MYH15: variants seen among roughly 807,000 people sequenced by gnomAD.
MYH15 encodes the protein myosin-15.
A neutral mutation model predicts 240.5 loss-of-function variants in MYH15; 227 were observed. The ratio of observed to expected loss-of-function variants is 0.94; its 90% CI spans 0.85 to 1.05. The LOEUF (loss-of-function observed/expected upper bound fraction) is 1.05. Ranked by LOEUF, MYH15 falls within the 50% of genes least tolerant of loss-of-function variation. The pLI is 0.00. For synonymous variants in MYH15, 785 were observed against 796.7 expected (o/e 0.99, Z 0.25); for missense variants, 2,217 against 2,247.5 (o/e 0.99, Z 0.27).
intron 5 of MYH15, among the ~76,000 whole-genome samples, chr3:108,498,450 G>C (rs1347153396): frequency 6.6e-6 from 1 of 152,164 alleles, no homozygotes; most frequent in African/African-American, 2.4e-5. Context: ...CTTCTAACTA[G>C]ACAAGTCTCC....
chr3:108,547,296 G>A, the MYH15 span, among the ~76,000 whole-genome samples: 1 of 151,976 alleles, frequency 6.6e-6, no homozygotes, highest in African/African-American at 2.4e-5. Context: ...CAGTGACCAA[G>A]TTTTAATTTT....
chr3:108,415,431 C>T lies in MYH15; in HGVS notation c.3949-1003G>A, dbSNP rs530721129. ...AACTTGGGTTCAAACTGTGACCTCT[C>T]CTCTTGTTTAATTTTATTTTTCTTT... On this transcript the variant is annotated intron_variant, in intron 29 of 40. Coordinates refer to ENST00000693548, the MANE Select transcript of MYH15 (RefSeq NM_014981.3). Among the ~76,000 whole-genome samples, 16 of 152,208 alleles carry T rather than the reference C, an allele frequency of 1.1e-4. No homozygotes were observed. In the South Asian group the frequency reaches 3.3e-3, roughly 32 times the overall value.
At chr3:108,525,239 G>A (rs2083658020) in intron 1 of MYH15, among the ~76,000 whole-genome samples, 1 of 152,046 alleles carries the variant, frequency 6.6e-6, no homozygotes, top group African/African-American at 2.4e-5. Context: ...ATGATTTTGT[G>A]AAGATGTTAT....
chr3:108,410,987 A>G lies in MYH15; in HGVS notation c.4146-55T>C, dbSNP rs2082588938. On this transcript the variant is annotated intron_variant, in intron 30 of 40. Coordinates refer to ENST00000693548, the MANE Select transcript of MYH15 (RefSeq NM_014981.3). ...TGAGGCAATAACTCTCAGAGAGCTC[A>G]TCAAGTCTGCCCTGGATTAAAGATA... 2.8e-6 allele frequency: 4 copies of G among 1,427,562 alleles called. No homozygotes were observed. In the South Asian group the frequency reaches 5.2e-5, roughly 19 times the overall value. 88.4% of individuals were successfully genotyped at this position (1,427,562 alleles called of 1,614,324 possible).
chr3:108,416,932 T>C lies in MYH15; in HGVS notation c.3830-2A>G. 6.2e-7 allele frequency: 1 copy of C among 1,602,154 alleles called. No homozygotes were observed. Among genetic ancestry groups the C allele is most frequent in the Non-Finnish European group, 8.5e-7 (1 of 1,170,374 alleles). Reference sequence around the variant, plus strand: ...CTTCAAGCCTCCGTAGGAACTCGCCTACAGAAAGATTTCACAAAACTACAT... The same window carrying C: ...CTTCAAGCCTCCGTAGGAACTCGCCCACAGAAAGATTTCACAAAACTACAT... On this transcript the variant is annotated splice_acceptor_variant, in intron 28 of 40. Coordinates refer to ENST00000693548, the MANE Select transcript of MYH15 (RefSeq NM_014981.3). LOFTEE classifies it high-confidence loss of function.
chr3:108,458,067 A>G (rs2083038465), intron 18 of MYH15, among the ~76,000 whole-genome samples: 2 of 152,122 alleles, frequency 1.3e-5, no homozygotes, highest in South Asian at 2.1e-4. Context: ...TTTTTAAAAA[A>G]GGGAGGGGTA....
At chr3:108,382,885 T>G (rs941446494) in intron 40 of MYH15, among the ~76,000 whole-genome samples, 1 of 152,208 alleles carries the variant, frequency 6.6e-6, no homozygotes, top group Non-Finnish European at 1.5e-5. Flanking sequence ...TCCTTTCGCC[T>G]AAAGCCAGAC....
intron 23 of MYH15, 75 bp downstream of exon 23, chr3:108,440,943 T>C: frequency 6.4e-7 from 1 of 1,570,526 alleles, no homozygotes; most frequent in Non-Finnish European, 8.7e-7. Context: ...ATAGAGCAAG[T>C]CAGATACCAA....
intron 21 of MYH15, among the ~76,000 whole-genome samples, chr3:108,449,797 T>C (rs1005259424): frequency 6.6e-6 from 1 of 151,778 alleles, no homozygotes; most frequent in Admixed American, 6.6e-5. Context: ...AGACAACCTA[T>C]GGAATGGGAG....
intron 21 of MYH15, among the ~76,000 whole-genome samples, chr3:108,447,395 TAA>T (rs1344585975): frequency 2.0e-5 from 3 of 151,546 alleles, no homozygotes; most frequent in East Asian, 3.9e-4. Context: ...AGATCAAATA[TAA>T]AGAGATCTTC....
chr3:108,496,051 A>G (rs910597270), intron 6 of MYH15, among the ~76,000 whole-genome samples, 179 bp from the exon 7 acceptor site: 12 of 152,226 alleles, frequency 7.9e-5, no homozygotes, highest in Non-Finnish European at 1.6e-4. Flanking sequence ...GTTGGATGAC[A>G]GAGGCTAACA....
the MYH15 span, among the ~76,000 whole-genome samples, chr3:108,544,174 C>T: frequency 1.3e-5 from 2 of 152,130 alleles, no homozygotes; most frequent in African/African-American, 4.8e-5. Flanking sequence ...CATGTTAAAA[C>T]AGAAAGTGCA....
chr3:108,403,300 G>T (rs917382252), intron 33 of MYH15, among the ~76,000 whole-genome samples: 1 of 152,056 alleles, frequency 6.6e-6, no homozygotes, highest in South Asian at 2.1e-4. Flanking sequence ...TTGCCTGTGG[G>T]TCTCTTTCTC....
At chr3:108,459,840 T>C (rs539061353) in intron 17 of MYH15, among the ~76,000 whole-genome samples, 2 of 152,214 alleles carry the variant, frequency 1.3e-5, no homozygotes, top group African/African-American at 4.8e-5. Context: ...TCAAGAGATT[T>C]TTAGGGAGTG....
chr3:108,515,627 T>C (rs927889162), intron 1 of MYH15, among the ~76,000 whole-genome samples: 1 of 152,218 alleles, frequency 6.6e-6, no homozygotes, highest in African/African-American at 2.4e-5. Flanking sequence ...GTTTCTTAGT[T>C]TCTCTCCTAA....
At position 108,406,968 on chromosome 3, in the gene MYH15, G is replaced by A. The variant is rs144407118; in HGVS notation, c.4620+1312C>T. 3.6e-3 allele frequency among the ~76,000 whole-genome samples: 542 copies of A among 152,254 alleles called. 3 individuals carry two copies. The highest frequency in any genetic ancestry group is 0.013 in the African/African-American group (524 of 41,540). ...ATTTACTTCTTTCAGTTAAGGTGGTGGCTTCAAAAAGTCCCTTGCCAGGAT... is the reference window on the plus strand; with the variant it reads ...ATTTACTTCTTTCAGTTAAGGTGGTAGCTTCAAAAAGTCCCTTGCCAGGAT... On this transcript the variant is annotated intron_variant, in intron 32 of 40. Transcript: ENST00000693548.
chr3:108,549,712 C>T, the MYH15 span, among the ~76,000 whole-genome samples: 1 of 151,958 alleles, frequency 6.6e-6, no homozygotes, highest in Non-Finnish European at 1.5e-5. Context: ...GGCTATGGGA[C>T]TGGACATCAT....
At chr3:108,481,492 TA>T (rs1217308779) in intron 11 of MYH15, among the ~76,000 whole-genome samples, 1 of 152,078 alleles carries the variant, frequency 6.6e-6, no homozygotes, top group Non-Finnish European at 1.5e-5. Flanking sequence ...ATATTTAGAT[TA>T]GGGGGATAGT....
chr3:108,515,266 T>C (rs113005843), upstream of MYH15, among the ~76,000 whole-genome samples: 2,307 of 152,274 alleles, frequency 0.015, 73 homozygotes, highest in African/African-American at 0.052. Context: ...AATGGAGTGA[T>C]GCAAACTTGA....
Sources: gnomAD v4.1 joint callset for allele counts (sites outside exome capture counted in the v4.1 genomes callset) on GRCh38, gnomAD v4.1.1 for gene constraint, MANE v1.5 for transcripts, NCBI Gene and HGNC (gene_info 2026-07-23, HGNC 2026-07-21) for gene names.